The following KMT2C variants were observed in gnomAD, a reference collection of about 807,000 sequenced individuals.
KMT2C encodes the protein lysine methyltransferase 2C, also known as histone-lysine N-methyltransferase 2C.
A neutral mutation model predicts 507.9 loss-of-function variants in KMT2C; 88 were observed. The observed-to-expected ratio is 0.17, with a 90% CI of 0.15 to 0.21. KMT2C has a LOEUF of 0.21. KMT2C is among the 10% of genes least tolerant of loss of function. KMT2C has a pLI of 1.00. For synonymous variants in KMT2C, 2,049 were observed against 2,080.8 expected (o/e 0.98, Z 0.42); for missense variants, 4,954 against 5,957.8 (o/e 0.83, Z 5.55).
At chr7:152,403,709 GACACATAC>G (rs71273890) in intron 1 of KMT2C, among the ~76,000 whole-genome samples, 1,414 of 132,716 alleles carry the variant, frequency 0.011, no homozygotes, top group East Asian at 0.016. Flanking sequence ...GAAAAACTGG[GACACATAC>G]ACACACACAC....
chr7:152,345,543 G>A (rs12671780), intron 2 of KMT2C, among the ~76,000 whole-genome samples: 7,471 of 152,124 alleles, frequency 0.049, 311 homozygotes, highest in African/African-American at 0.11. Flanking sequence ...TGTTTGTTTT[G>A]AGACAGAGTC....
intron 3 of KMT2C, among the ~76,000 whole-genome samples, chr7:152,318,927 C>G (rs1054082026): frequency 1.3e-5 from 2 of 152,110 alleles, no homozygotes; most frequent in Admixed American, 1.3e-4. Context: ...CAAAATGAAT[C>G]TCGAATCTGA....
rs1488856294 is a variant in KMT2C at position 152,364,616 on chromosome 7, A to AAAAAAAAAG, written c.162-5942_162-5941insCTTTTTTTT. ...AGAGCGAGACTCCGTCTCCAAAAAAAAAAAGAAAAGAAAAAAAGAAAAAAA... is the reference window on the plus strand; with the variant it reads ...AGAGCGAGACTCCGTCTCCAAAAAAAAAAAAAAAGAAAAGAAAAGAAAAAAAGAAAAAAA... On this transcript the variant is annotated intron_variant, in intron 1 of 58. Transcript: ENST00000262189. Among the ~76,000 whole-genome samples, 6 of 151,882 alleles carry AAAAAAAAAG rather than the reference A, an allele frequency of 4.0e-5. 1 individual carries two copies. The highest frequency in any genetic ancestry group is 2.6e-4 in the Admixed American group (4 of 15,260).
chr7:152,398,022 A>G (rs2097547499), intron 1 of KMT2C, among the ~76,000 whole-genome samples: 1 of 152,174 alleles, frequency 6.6e-6, no homozygotes, highest in Non-Finnish European at 1.5e-5. Flanking sequence ...CACATCATTC[A>G]CGTGTGTTTC....
intron 1 of KMT2C, among the ~76,000 whole-genome samples, chr7:152,399,916 C>CA (rs575061652): frequency 1.4e-4 from 20 of 146,230 alleles, no homozygotes; most frequent in East Asian, 1.0e-3. Context: ...ATGGCCAGAC[C>CA]AAAAAAAAAC....
rs1190617066 is a variant in KMT2C, at chr7:152,432,122, T to G, written c.161+3504A>C. 2.6e-5 allele frequency among the ~76,000 whole-genome samples: 4 copies of G among 152,276 alleles called. No individual in the cohort carries two copies. In the East Asian group the frequency reaches 7.7e-4, roughly 29 times the overall value. ...CAATTGCCCTCTGAAAAGAAAGTGGTTCAGGGTATAAAGAGTTTACTCAAA... is the reference window on the plus strand; with the variant it reads ...CAATTGCCCTCTGAAAAGAAAGTGGGTCAGGGTATAAAGAGTTTACTCAAA... On this transcript the variant is annotated intron_variant, in intron 1 of 58. Transcript: ENST00000262189.
chr7:152,190,051 T>C (rs1451020781), intron 31 of KMT2C, among the ~76,000 whole-genome samples: 2 of 152,168 alleles, frequency 1.3e-5, no homozygotes, highest in South Asian at 2.1e-4. Flanking sequence ...GAAGTGTGCA[T>C]GCGAGCATGT....
At chr7:152,333,489 T>C (rs1321895940) in intron 2 of KMT2C, among the ~76,000 whole-genome samples, 1 of 152,186 alleles carries the variant, frequency 6.6e-6, no homozygotes, top group Non-Finnish European at 1.5e-5. Context: ...GACTTTATGA[T>C]TTGTAAGTCA....
chr7:152,138,692 A>G lies in KMT2C; in HGVS notation c.14643+104T>C. 3 of 764,978 alleles carry G rather than the reference A, an allele frequency of 3.9e-6. No individual in the cohort carries two copies. In the South Asian group the frequency reaches 5.2e-5, roughly 13 times the overall value. 47.4% of individuals were successfully genotyped at this position (764,978 alleles called of 1,614,324 possible). On this transcript the variant is annotated intron_variant, in intron 58 of 58. Transcript: ENST00000262189. The surrounding 1 kb of genome is among the most constrained non-coding windows in gnomAD (Gnocchi z 4.2). ...GCCTATTATGGACAGAGTTTTTATCACAACAAAGAATTGGGAAACAAGTGA... is the reference window on the plus strand; with the variant it reads ...GCCTATTATGGACAGAGTTTTTATCGCAACAAAGAATTGGGAAACAAGTGA...
intron 39 of KMT2C, among the ~76,000 whole-genome samples, chr7:152,173,250 C>A (rs1208381576): frequency 6.6e-6 from 1 of 152,082 alleles, no homozygotes; most frequent in East Asian, 1.9e-4. Flanking sequence ...TAAATTCGTG[C>A]AAATTTTATA....
At chr7:152,335,468 G>T (rs1302768018) in intron 2 of KMT2C, among the ~76,000 whole-genome samples, 1 of 152,094 alleles carries the variant, frequency 6.6e-6, no homozygotes, top group Non-Finnish European at 1.5e-5. Context: ...AATGGCCCAG[G>T]GTCGCAAATC....
chr7:152,167,033 C>G, intron 42 of KMT2C, 113 bp downstream of exon 42: 1 of 787,236 alleles, frequency 1.3e-6, no homozygotes, highest in Non-Finnish European at 2.0e-6. Flanking sequence ...ACTTTTAATG[C>G]CATTTAATAC....
chr7:152,188,404 T>C (rs1322388437), intron 31 of KMT2C, among the ~76,000 whole-genome samples: 1 of 152,106 alleles, frequency 6.6e-6, no homozygotes, highest in Non-Finnish European at 1.5e-5. Context: ...ATAATGTATG[T>C]ACAGCTCTAA....
At chr7:152,241,203 T>A (rs2095376003) in intron 14 of KMT2C, among the ~76,000 whole-genome samples, 1 of 152,156 alleles carries the variant, frequency 6.6e-6, no homozygotes, top group African/African-American at 2.4e-5. Context: ...GCATTTTCTT[T>A]CTTTCTTTCT....
At chr7:152,399,832 G>C (rs2097560930) in intron 1 of KMT2C, among the ~76,000 whole-genome samples, 1 of 151,880 alleles carries the variant, frequency 6.6e-6, no homozygotes, top group South Asian at 2.1e-4. Context: ...GGAAATGAAG[G>C]AGAAATCTCA....
chr7:152,136,623 C>G lies in KMT2C; in HGVS notation c.*209G>C. Reference sequence around the variant, plus strand: ...GGACCATTCTGTGATTCCGTTTAACCTCGGCCACTTCAGGAACGCTGCTTC... The same window carrying G: ...GGACCATTCTGTGATTCCGTTTAACGTCGGCCACTTCAGGAACGCTGCTTC... On this transcript the variant is annotated 3_prime_UTR_variant, in exon 59 of 59. Transcript: ENST00000262189. The G allele has an allele frequency of 1.4e-5, 8 of 557,276 alleles. No individual in the cohort carries two copies. The South Asian group carries it at 1.6e-4, about 11-fold the overall frequency. The allele number at this position is 557,276 out of a possible 1,614,324, so 34.5% of individuals were successfully genotyped here.
intron 39 of KMT2C, among the ~76,000 whole-genome samples, chr7:152,172,429 C>T (rs2093004401): frequency 6.6e-6 from 1 of 152,210 alleles, no homozygotes; most frequent in Non-Finnish European, 1.5e-5. Flanking sequence ...GGTGCAGTGG[C>T]TCATGCCTGT....
intron 51 of KMT2C, 40 bp downstream of exon 51, chr7:152,150,860 C>T (rs745521618): frequency 1.3e-5 from 17 of 1,335,070 alleles, no homozygotes; most frequent in East Asian, 4.6e-5. Flanking sequence ...AGAAGTCACT[C>T]GTTACACATT....
chr7:152,184,114 C>A, intron 34 of KMT2C, among the ~76,000 whole-genome samples: 1 of 143,506 alleles, frequency 7.0e-6, no homozygotes, highest in African/African-American at 2.6e-5. Flanking sequence ...GAAAAATATC[C>A]AATCAGTCTT....
Sources: gnomAD v4.1 joint callset for allele counts (sites outside exome capture counted in the v4.1 genomes callset) on GRCh38, gnomAD v4.1.1 for gene constraint, Gnocchi (gnomAD v3.1) non-coding constraint, MANE v1.5 for transcripts, NCBI Gene and HGNC (gene_info 2026-07-23, HGNC 2026-07-21) for gene names.